The following TBC1D12 variants were observed in gnomAD, a reference collection of about 807,000 sequenced individuals.
The protein encoded by TBC1D12 is TBC1 domain family, member 12.
In TBC1D12, 56 loss-of-function variants were observed where a neutral mutation model predicts 86.7. That is an observed-to-expected ratio of 0.65 (90% CI 0.52 to 0.81). The LOEUF (loss-of-function observed/expected upper bound fraction) is 0.81, where lower values mean the gene tolerates loss of function less well. Ranked by LOEUF, TBC1D12 falls within the 30% of genes least tolerant of loss-of-function variation. TBC1D12 has a pLI of 0.00. For missense variants in TBC1D12, 1,023 were observed against 1,038.8 expected (o/e 0.98, Z 0.21); for synonymous variants, 421 against 411.7 (o/e 1.02, Z -0.27).
chr10:94,408,647 CATCT>C (rs1031432734), intron 1 of TBC1D12, among the ~76,000 whole-genome samples: 64 of 152,164 alleles, frequency 4.2e-4, no homozygotes, highest in African/African-American at 1.4e-3. Context: ...ATAATTCATC[CATCT>C]GACTGAGCCA....
rs894535771 is a variant in TBC1D12, at chr10:94,428,282, CT to C, written c.972-13591del. ...TGGCCAAGAGAAATGTTTGGAACTTCTTTTTTTTTTTTTTTTTTTTTTTAAG... is the reference window on the plus strand; with the variant it reads ...TGGCCAAGAGAAATGTTTGGAACTTCTTTTTTTTTTTTTTTTTTTTTTAAG... On this transcript the variant is annotated intron_variant, in intron 1 of 12. Transcript: ENST00000225235. Among the ~76,000 whole-genome samples, 588 of 99,922 alleles carry C rather than the reference CT, an allele frequency of 5.9e-3. 2 individuals are homozygous for C. Among genetic ancestry groups the C allele is most frequent in the African/African-American group, 0.011 (284 of 26,982 alleles). The allele number at this position is 99,922 out of a possible 152,430, so 65.6% of individuals were successfully genotyped here.
intron 9 of TBC1D12, among the ~76,000 whole-genome samples, 174 bp from the exon 10 acceptor site, chr10:94,521,781 G>T (rs1397071881): frequency 6.6e-6 from 1 of 152,108 alleles, no homozygotes; most frequent in Non-Finnish European, 1.5e-5. Context: ...AGAAATTAGG[G>T]AGATTTCGTA....
intron 2 of TBC1D12, among the ~76,000 whole-genome samples, chr10:94,461,114 T>C (rs1353769270): frequency 6.6e-6 from 1 of 152,192 alleles, no homozygotes; most frequent in Non-Finnish European, 1.5e-5. Context: ...GTTTTTACCA[T>C]TTAGTATGCC....
chr10:94,499,267 T>C (rs2056363929), intron 5 of TBC1D12, among the ~76,000 whole-genome samples: 1 of 152,214 alleles, frequency 6.6e-6, no homozygotes, highest in Admixed American at 6.5e-5. Flanking sequence ...CACTTATTTC[T>C]TCTAACGGAA....
intron 2 of TBC1D12, among the ~76,000 whole-genome samples, chr10:94,447,396 T>A (rs1289255438): frequency 6.6e-6 from 1 of 152,186 alleles, no homozygotes; most frequent in South Asian, 2.1e-4. Context: ...TCAGAGATAT[T>A]TGGGTTCATA....
intron 5 of TBC1D12, among the ~76,000 whole-genome samples, 190 bp downstream of exon 5, chr10:94,497,362 A>G (rs1005226488): frequency 6.6e-6 from 1 of 151,196 alleles, no homozygotes; most frequent in African/African-American, 2.4e-5. Flanking sequence ...CTGTATTTTT[A>G]TTATTTCCAG....
intron 1 of TBC1D12, among the ~76,000 whole-genome samples, chr10:94,431,231 A>G (rs970216994): frequency 2.0e-5 from 3 of 152,222 alleles, no homozygotes; most frequent in East Asian, 1.9e-4. Context: ...CCTGGCCAAC[A>G]TGGAGAAACC....
chr10:94,468,904 A>G (rs2055861978), intron 2 of TBC1D12, among the ~76,000 whole-genome samples: 1 of 152,142 alleles, frequency 6.6e-6, no homozygotes, highest in Admixed American at 6.5e-5. Context: ...AAGTTGATTG[A>G]TAACAGTGCT....
In TBC1D12 at chr10:94,469,544, G is replaced by T. The variant is rs2055873586; in HGVS notation, c.1096-5124G>T. Among the ~76,000 whole-genome samples, 3 of 148,496 alleles carry T rather than the reference G, an allele frequency of 2.0e-5. 1 individual carries two copies. In the South Asian group the frequency reaches 6.5e-4, roughly 32 times the overall value. On this transcript the variant is annotated intron_variant, in intron 2 of 12. Coordinates refer to ENST00000225235, the MANE Select transcript of TBC1D12 (RefSeq NM_015188.2). ...GCTCACTGCAACCCTCTGCCTCCTG[G>T]GTTCAAGTGATTCTCCTGCCTCAAC...
chr10:94,463,442 T>A (rs897669461), intron 2 of TBC1D12, among the ~76,000 whole-genome samples: 24 of 152,186 alleles, frequency 1.6e-4, no homozygotes. Context: ...AGGTCTCTTT[T>A]CCTTTTCTTA....
chr10:94,525,428 A>G (rs930846994), intron 11 of TBC1D12, among the ~76,000 whole-genome samples: 3 of 152,106 alleles, frequency 2.0e-5, no homozygotes, highest in Admixed American at 2.0e-4. Flanking sequence ...CCTGGCCAAC[A>G]TGGTGAAACC....
rs756561599 is a variant in TBC1D12 at position 94,531,239 on chromosome 10, C to G, written c.2038C>G (p.Leu680Val). Residue 680 changes from leucine to valine, a missense_variant, in exon 12 of 13, where the codon CTG becomes GTG. By Grantham distance (32) the Leu-to-Val change is conservative. Coordinates refer to ENST00000225235, the MANE Select transcript of TBC1D12 (RefSeq NM_015188.2). Reference protein sequence around the residue: ...TLYSKSLPLDLACRVWDVFCR... With the variant: ...TLYSKSLPLDVACRVWDVFCR... Reference sequence around the variant, plus strand: ...ATATAGCAAATCACTACCACTTGATCTGGCCTGTCGAGTCTGGGATGTATT... The same window carrying G: ...ATATAGCAAATCACTACCACTTGATGTGGCCTGTCGAGTCTGGGATGTATT... 1.2e-5 allele frequency: 19 copies of G among 1,613,814 alleles called. No individual in the cohort carries two copies. The East Asian group carries it at 4.0e-4, about 34-fold the overall frequency.
chr10:94,535,129 C>T lies in TBC1D12; in HGVS notation c.*2033C>T, dbSNP rs1004686207. 6.6e-6 allele frequency: 1 copy of T among 152,020 alleles called. No homozygotes were observed. The highest frequency in any genetic ancestry group is 1.5e-5 in the Non-Finnish European group (1 of 68,014). The allele number at this position is 152,020 out of a possible 1,614,324, so 9.4% of individuals were successfully genotyped here. ...TGTCAGAACAATTGACATTGTCTTT[C>T]CAAGAGTGAATGCATTGGCTTTCGG... On this transcript the variant is annotated 3_prime_UTR_variant, in exon 13 of 13. Coordinates refer to ENST00000225235, the MANE Select transcript of TBC1D12 (RefSeq NM_015188.2).
intron 2 of TBC1D12, among the ~76,000 whole-genome samples, chr10:94,457,138 G>C (rs138285464): frequency 3.3e-5 from 5 of 152,236 alleles, no homozygotes; most frequent in African/African-American, 1.2e-4. Flanking sequence ...TGCTGACCTT[G>C]CAGGTTTGTT....
rs1235525449 is a variant in TBC1D12, at chr10:94,535,140, T to A, written c.*2044T>A. 4 of 152,090 alleles carry A rather than the reference T, an allele frequency of 2.6e-5. No individual in the cohort carries two copies. Among genetic ancestry groups the A allele is most frequent in the Non-Finnish European group, 4.4e-5 (3 of 68,020 alleles). The allele number at this position is 152,090 out of a possible 1,614,324, so 9.4% of individuals were successfully genotyped here. A position where few individuals can be genotyped will look rare whatever the true frequency, so the allele number is the denominator to read the frequency against. ...TTGACATTGTCTTTCCAAGAGTGAA[T>A]GCATTGGCTTTCGGAACTGCTACTA... is the stretch of plus-strand genomic sequence containing the variant. On this transcript the variant is annotated 3_prime_UTR_variant, in exon 13 of 13. Transcript: ENST00000225235.
intron 3 of TBC1D12, among the ~76,000 whole-genome samples, chr10:94,478,921 A>G (rs1426944616): frequency 6.6e-6 from 1 of 151,944 alleles, no homozygotes. Context: ...TGTGCACTGC[A>G]CTCCAGTCTG....
chr10:94,459,305 G>A (rs546091652), intron 2 of TBC1D12, among the ~76,000 whole-genome samples: 14 of 152,182 alleles, frequency 9.2e-5, no homozygotes, highest in African/African-American at 3.4e-4. Context: ...CTAGACACAA[G>A]GTGCTGATTG....
intron 4 of TBC1D12, 66 bp downstream of exon 4, chr10:94,493,513 A>T: frequency 8.7e-7 from 1 of 1,149,302 alleles, no homozygotes; most frequent in Non-Finnish European, 1.3e-6. Context: ...GGTAAAATTC[A>T]TCAAGTCTGT....
intron 2 of TBC1D12, among the ~76,000 whole-genome samples, chr10:94,469,447 CTTTTTT>C: frequency 8.9e-6 from 1 of 112,568 alleles, no homozygotes; most frequent in South Asian, 3.4e-4. Flanking sequence ...GAGTTTTTTC[CTTTTTT>C]TTTTTTTTTT....
Sources: gnomAD v4.1 joint callset for allele counts (sites outside exome capture counted in the v4.1 genomes callset) on GRCh38, gnomAD v4.1.1 for gene constraint, MANE v1.5 for transcripts, NCBI Gene and HGNC (gene_info 2026-07-23, HGNC 2026-07-21) for gene names.